The following SGCE variants were observed in gnomAD, a reference collection of about 807,000 sequenced individuals.
SGCE encodes epsilon-sarcoglycan.
In SGCE, 26 loss-of-function variants were observed where a neutral mutation model predicts 57.8. The observed-to-expected ratio is 0.45, with a 90% confidence interval of 0.33 to 0.62. The LOEUF (loss-of-function observed/expected upper bound fraction) is 0.62. Among genes scored for constraint, SGCE ranks in the 20% least tolerant of loss-of-function variants. The pLI, the probability that SGCE is intolerant of heterozygous loss-of-function variation, is 0.02. For synonymous variants in SGCE, 183 were observed against 189.5 expected (o/e 0.97, Z 0.28); for missense variants, 468 against 548.6 (o/e 0.85, Z 1.47).
At chr7:94,601,443 CAAAAAAAAAAAAAAAAAAA>C (rs71123905) in intron 6 of SGCE, among the ~76,000 whole-genome samples, 46,703 of 91,692 alleles carry the variant, frequency 0.51, 9,173 homozygotes, top group Admixed American at 0.58. Context: ...ATCCCAGTAT[CAAAAAAAAAAAAAAAAAAA>C]AAAAAAAAAA....
intron 5 of SGCE, among the ~76,000 whole-genome samples, chr7:94,610,515 G>A (rs930406268): frequency 3.3e-5 from 5 of 151,780 alleles, no homozygotes; most frequent in African/African-American, 7.3e-5. Flanking sequence ...AATAGTATAC[G>A]CACAAAAAAA....
chr7:94,587,235 G>T, intron 10 of SGCE: 1 of 985,038 alleles, frequency 1.0e-6, no homozygotes, highest in Non-Finnish European at 1.2e-6. Flanking sequence ...GTTAACAAGA[G>T]TACTTGCTAA....
intron 1 of SGCE, among the ~76,000 whole-genome samples, chr7:94,645,010 T>C (rs893018028): frequency 1.7e-4 from 26 of 152,204 alleles, no homozygotes; most frequent in Non-Finnish European, 5.9e-5. Context: ...TAGGCAGTAT[T>C]CACTCTATTT....
Position 94,601,443 on chromosome 7 carries a change from C to CAAAAAAAAA in SGCE, c.826-595_826-587dup, listed in dbSNP as rs71123905. On this transcript the variant is annotated intron_variant, in intron 6 of 10. Coordinates refer to ENST00000648936, the MANE Select transcript of SGCE (RefSeq NM_003919.3). ...GTCTTACTTAATTCTATCCCAGTAT[C>CAAAAAAAAA]AAAAAAAAAAAAAAAAAAAAAAAAA... 1.7e-3 allele frequency among the ~76,000 whole-genome samples: 153 copies of CAAAAAAAAA among 89,242 alleles called. 19 individuals carry two copies. Among genetic ancestry groups the CAAAAAAAAA allele is most frequent in the African/African-American group, 4.1e-3 (71 of 17,266 alleles). The allele number at this position is 89,242 out of a possible 152,430, so 58.5% of individuals were successfully genotyped here. A position where few individuals can be genotyped will look rare whatever the true frequency, so the allele number is the denominator to read the frequency against.
intron 5 of SGCE, among the ~76,000 whole-genome samples, chr7:94,603,765 A>G (rs1211460821): frequency 2.0e-5 from 3 of 149,566 alleles, no homozygotes; most frequent in Non-Finnish European, 4.4e-5. Context: ...TGATTACTAT[A>G]TTTAGTAATT....
At chr7:94,641,468 G>A (rs934113415) in intron 1 of SGCE, among the ~76,000 whole-genome samples, 1 of 152,204 alleles carries the variant, frequency 6.6e-6, no homozygotes, top group Admixed American at 6.5e-5. Context: ...AGGAAAAGAT[G>A]TAAGGGGGGA....
At chr7:94,633,797 TG>T (rs1286594317) in intron 1 of SGCE, among the ~76,000 whole-genome samples, 7 of 152,188 alleles carry the variant, frequency 4.6e-5, no homozygotes, top group African/African-American at 1.7e-4. Flanking sequence ...GAAAGTACTA[TG>T]GTGGTACGCT....
At chr7:94,639,257 A>C in intron 1 of SGCE, 1 of 859,506 alleles carries the variant, frequency 1.2e-6, no homozygotes, top group Non-Finnish European at 1.8e-6. Flanking sequence ...AAAGCCACAC[A>C]TGACTAAAAA....
intron 1 of SGCE, chr7:94,644,563 G>A: frequency 1.1e-6 from 1 of 907,672 alleles, no homozygotes; most frequent in Non-Finnish European, 1.5e-6. Flanking sequence ...CAAGTAAACA[G>A]CCGGATATGC....
intron 7 of SGCE, chr7:94,600,398 T>C: frequency 2.2e-6 from 1 of 447,212 alleles, no homozygotes; most frequent in Non-Finnish European, 4.1e-6. Flanking sequence ...TGGGACTGTT[T>C]TGCCAGTGTG....
chr7:94,617,504 A>G (rs538388197), intron 5 of SGCE: 1 of 152,226 alleles, frequency 6.6e-6, no homozygotes, highest in Non-Finnish European at 1.5e-5. Context: ...TTCAGGGAAG[A>G]TACCCCCATT....
At chr7:94,647,793 T>C (rs1317140808) in intron 1 of SGCE, among the ~76,000 whole-genome samples, 2 of 152,172 alleles carry the variant, frequency 1.3e-5, no homozygotes, top group Non-Finnish European at 2.9e-5. Flanking sequence ...CTTACTAATA[T>C]TTACTCATCC....
At chr7:94,647,482 A>C (rs1562899251) in intron 1 of SGCE, among the ~76,000 whole-genome samples, 1 of 152,144 alleles carries the variant, frequency 6.6e-6, no homozygotes, top group Non-Finnish European at 1.5e-5. Context: ...GACCCCTCCA[A>C]CCTTTTCCTC....
rs368892695 is a variant in SGCE, at chr7:94,597,976, C to T, written c.1253+799G>A. Reference sequence around the variant, plus strand: ...GAGCCAAGATCGCTCCATTGCACTCCAGCCTGGGCAACAGGAGCGAAACTC... The same window carrying T: ...GAGCCAAGATCGCTCCATTGCACTCTAGCCTGGGCAACAGGAGCGAAACTC... On this transcript the variant is annotated intron_variant, in intron 9 of 10. Coordinates refer to ENST00000648936, the MANE Select transcript of SGCE (RefSeq NM_003919.3). 40 of 165,732 alleles carry T rather than the reference C, an allele frequency of 2.4e-4. No homozygotes were observed. The East Asian group carries it at 3.2e-3, about 13-fold the overall frequency. 10.3% of individuals were successfully genotyped at this position (165,732 alleles called of 1,614,324 possible). A position where few individuals can be genotyped will look rare whatever the true frequency, so the allele number is the denominator to read the frequency against.
chr7:94,599,151 A>C (rs1798847159), intron 8 of SGCE, 188 bp from the exon 9 acceptor site: 5 of 549,810 alleles, frequency 9.1e-6, no homozygotes, highest in Non-Finnish European at 1.6e-5. Flanking sequence ...CAAAACTGAA[A>C]ATTATAAACT....
chr7:94,607,413 T>A (rs1024453378), intron 5 of SGCE, among the ~76,000 whole-genome samples: 1 of 152,068 alleles, frequency 6.6e-6, no homozygotes, highest in Non-Finnish European at 1.5e-5. Flanking sequence ...CAACAAAATA[T>A]TAGCAAATCA....
intron 1 of SGCE, among the ~76,000 whole-genome samples, chr7:94,647,492 CACAA>C (rs1240025660): frequency 1.3e-5 from 2 of 152,338 alleles, no homozygotes; most frequent in Middle Eastern, 3.4e-3. Context: ...ACCTTTTCCT[CACAA>C]ACAGCTAAAG....
Position 94,603,280 on chromosome 7 carries a change from A to G in SGCE, c.825+10T>C. The G allele has an allele frequency of 6.2e-7, 1 of 1,607,796 alleles. No homozygotes were observed. Among genetic ancestry groups the G allele is most frequent in the Non-Finnish European group, 8.5e-7 (1 of 1,175,358 alleles). On this transcript the variant is annotated intron_variant, in intron 6 of 10. Transcript: ENST00000648936. Reference sequence around the variant, plus strand: ...TTAACTAAACTTGCAAAAACAAAATAAAAACTTACCAATGAAATTTTGCAC... The same window carrying G: ...TTAACTAAACTTGCAAAAACAAAATGAAAACTTACCAATGAAATTTTGCAC...
intron 1 of SGCE, among the ~76,000 whole-genome samples, chr7:94,655,314 A>T (rs779160644): frequency 6.6e-6 from 1 of 151,944 alleles, no homozygotes; most frequent in African/African-American, 2.4e-5. Context: ...GAAATAGCGC[A>T]CTCGGTACGG....
Sources: gnomAD v4.1 joint callset for allele counts (sites outside exome capture counted in the v4.1 genomes callset) on GRCh38, gnomAD v4.1.1 for gene constraint, MANE v1.5 for transcripts, NCBI Gene and HGNC (gene_info 2026-07-23, HGNC 2026-07-21) for gene names.